MLLT11: variants seen among roughly 807,000 people sequenced by gnomAD.
MLLT11 encodes the protein protein AF1q.
Under a neutral mutation model 5.3 loss-of-function variants are expected in MLLT11, and 1 was observed. The ratio of observed to expected loss-of-function variants is 0.19; its 90% CI spans 0.07 to 0.89. The LOEUF (loss-of-function observed/expected upper bound fraction) is 0.89. Ranked by LOEUF, MLLT11 falls within the 40% of genes least tolerant of loss-of-function variation. The probability of loss-of-function intolerance (pLI) is 0.67; values close to 1 mark genes in which losing one functional copy is unlikely to be tolerated. For missense variants in MLLT11, 87 were observed against 107.3 expected (o/e 0.81, Z 0.83); for synonymous variants, 38 against 41.7 (o/e 0.91, Z 0.34).
chr1:151,065,292 G>C (rs1676460506), intron 1 of MLLT11, among the ~76,000 whole-genome samples: 1 of 152,092 alleles, frequency 6.6e-6, no homozygotes, highest in Admixed American at 6.6e-5. Flanking sequence ...AGAGGTTTTA[G>C]GCCTTCTGAG....
chr1:151,068,825 T>C lies in MLLT11; in HGVS notation c.*1328T>C, dbSNP rs1676513729. Among the ~76,000 whole-genome samples the C allele has an allele frequency of 6.6e-6, 1 of 152,216 alleles. No homozygotes were observed. Among genetic ancestry groups the C allele is most frequent in the African/African-American group, 2.4e-5 (1 of 41,440 alleles). On this transcript the variant is annotated 3_prime_UTR_variant, in exon 2 of 2. Transcript: ENST00000368921. ...GTCTCTAACTCCTGACCTCAGGTGA[T>C]CTGCCCGCCTTAGCCTCTCAAAGTG...
Position 151,069,263 on chromosome 1 carries a change from G to T in MLLT11, c.*1766G>T, listed in dbSNP as rs1031642970. Among the ~76,000 whole-genome samples the T allele has an allele frequency of 1.3e-5, 2 of 152,054 alleles. No homozygotes were observed. Among genetic ancestry groups the T allele is most frequent in the African/African-American group, 2.4e-5 (1 of 41,386 alleles). On this transcript the variant is annotated 3_prime_UTR_variant, in exon 2 of 2. Coordinates refer to ENST00000368921, the MANE Select transcript of MLLT11 (RefSeq NM_006818.4). ...ATACCAATATGGATAGGACAGAATT[G>T]GGCAGTGTACTATAAATAAGGATGA...
chr1:151,065,105 C>T (rs1275919933), intron 1 of MLLT11, among the ~76,000 whole-genome samples: 3 of 152,118 alleles, frequency 2.0e-5, no homozygotes, highest in South Asian at 2.1e-4. Flanking sequence ...TAAATCCATA[C>T]TATATTAAAT....
Position 151,067,271 on chromosome 1 carries a change from G to A in MLLT11, c.47G>A (p.Arg16Lys), listed in dbSNP as rs1676487940. Residue 16 changes from arginine to lysine, a missense_variant, in exon 2 of 2, where the codon AGG becomes AAG. Transcript: ENST00000368921. ...SSQYSSFLFW[R>K]MPIPELDLSE... ...CAGTACAGTTCCTTTCTTTTCTGGA[G>A]GATGCCCATCCCAGAACTGGATCTG... 6.2e-7 allele frequency: 1 copy of A among 1,614,032 alleles called. No individual in the cohort carries two copies. Among genetic ancestry groups the A allele is most frequent in the Admixed American group, 1.7e-5 (1 of 59,992 alleles).
At chr1:151,065,435 T>C (rs187949676) in intron 1 of MLLT11, among the ~76,000 whole-genome samples, 1 of 152,370 alleles carries the variant, frequency 6.6e-6, no homozygotes, top group Non-Finnish European at 1.5e-5. Flanking sequence ...AAAGAGCTTT[T>C]TGTTTTTCTC....
At position 151,067,383 on chromosome 1, in the gene MLLT11, T is replaced by C. The variant is rs776687359; in HGVS notation, c.159T>C (p.Thr53=). The change falls in exon 2 of 2, where the codon ACT becomes ACC. Residue 53 remains threonine (T), a synonymous_variant. Transcript: ENST00000368921. The stretch of plus-strand genomic sequence containing the variant: ...TTGGCAAAATGATCGGGCAAGCAAC[T>C]GCAGCAGACCAGGAGAAAAACCCTG... ...SSVGKMIGQA[T]AADQEKNPEG... 3.1e-6 allele frequency: 5 copies of C among 1,614,158 alleles called. No homozygotes were observed. The highest frequency in any genetic ancestry group is 4.2e-6 in the Non-Finnish European group (5 of 1,180,028).
chr1:151,068,777 G>T lies in MLLT11; in HGVS notation c.*1280G>T, dbSNP rs1173425334. The stretch of plus-strand genomic sequence containing the variant: ...TTTTTGTATTTTTCATAGAGACGGG[G>T]TTTCACCATGTTGGCCAGGCTGGTC... On this transcript the variant is annotated 3_prime_UTR_variant, in exon 2 of 2. Coordinates refer to ENST00000368921, the MANE Select transcript of MLLT11 (RefSeq NM_006818.4). 6.6e-6 allele frequency among the ~76,000 whole-genome samples: 1 copy of T among 152,062 alleles called. No homozygotes were observed. Among genetic ancestry groups the T allele is most frequent in the African/African-American group, 2.4e-5 (1 of 41,414 alleles).
chr1:151,069,470 C>T lies in MLLT11; in HGVS notation c.*1973C>T, dbSNP rs931248366. Among the ~76,000 whole-genome samples, 19 of 152,200 alleles carry T rather than the reference C, an allele frequency of 1.2e-4. No homozygotes were observed. Among genetic ancestry groups the T allele is most frequent in the African/African-American group, 4.3e-4 (18 of 41,466 alleles). On this transcript the variant is annotated 3_prime_UTR_variant, in exon 2 of 2. Coordinates refer to ENST00000368921, the MANE Select transcript of MLLT11 (RefSeq NM_006818.4). ...TTTACTGAGTTTTGAAGGGCCCCTT[C>T]AGAGTCCTTCAGCCATGGCAATTGG...
At chr1:151,066,004 C>A (rs587684651) in intron 1 of MLLT11, among the ~76,000 whole-genome samples, 4 of 152,220 alleles carry the variant, frequency 2.6e-5, no homozygotes, top group South Asian at 4.1e-4. Context: ...CCAGGCCCAG[C>A]TAATTTTTTG....
chr1:151,062,490 G>A (rs1676420468), intron 1 of MLLT11, among the ~76,000 whole-genome samples: 1 of 151,748 alleles, frequency 6.6e-6, no homozygotes, highest in Non-Finnish European at 1.5e-5. Flanking sequence ...AGCCTCCCGA[G>A]TAGCTGGGAT....
chr1:151,061,299 T>A (rs587713802), intron 1 of MLLT11, among the ~76,000 whole-genome samples: 1 of 152,264 alleles, frequency 6.6e-6, no homozygotes, highest in Admixed American at 6.5e-5. Context: ...ACCACCACCT[T>A]GTCCTTCCCC....
At chr1:151,063,638 G>A (rs1452039753) in intron 1 of MLLT11, among the ~76,000 whole-genome samples, 5 of 152,088 alleles carry the variant, frequency 3.3e-5, no homozygotes, top group Admixed American at 6.5e-5. Flanking sequence ...TGTTAGCCAG[G>A]ATGGTCTCGA....
At chr1:151,062,706 A>G (rs1232432979) in intron 1 of MLLT11, among the ~76,000 whole-genome samples, 1 of 152,164 alleles carries the variant, frequency 6.6e-6, no homozygotes, top group Non-Finnish European at 1.5e-5. Flanking sequence ...CCTGCATTAT[A>G]CTAAGCTCAT....
Position 151,067,506 on chromosome 1 carries a change from C to T in MLLT11, c.*9C>T, listed in dbSNP as rs1676491496. ...AACTGGACTTGCTCTAAGGCCAAGA[C>T]TTCTCTCTCCCATCACCTTGCCCTC... is the stretch of plus-strand genomic sequence containing the variant. On this transcript the variant is annotated 3_prime_UTR_variant, in exon 2 of 2. Coordinates refer to ENST00000368921, the MANE Select transcript of MLLT11 (RefSeq NM_006818.4). 6.2e-7 allele frequency: 1 copy of T among 1,611,238 alleles called. No individual in the cohort carries two copies. The highest frequency in any genetic ancestry group is 1.3e-5 in the African/African-American group (1 of 74,970).
At chr1:151,062,084 C>A (rs1676414742) in intron 1 of MLLT11, among the ~76,000 whole-genome samples, 1 of 151,574 alleles carries the variant, frequency 6.6e-6, no homozygotes, top group Admixed American at 6.6e-5. Flanking sequence ...TGCTCTACTG[C>A]CCTTTGCTTT....
chr1:151,065,671 G>GA (rs1676466340), intron 1 of MLLT11, among the ~76,000 whole-genome samples: 2 of 152,292 alleles, frequency 1.3e-5, no homozygotes, highest in African/African-American at 4.8e-5. Flanking sequence ...GTAGGATTTA[G>GA]AAGGCAAGAA....
In MLLT11 at chr1:151,067,978, G is replaced by A. The variant is rs920168533; in HGVS notation, c.*481G>A. The A allele has an allele frequency of 8.1e-6, 2 of 246,418 alleles. No individual in the cohort carries two copies. Among genetic ancestry groups the A allele is most frequent in the African/African-American group, 2.2e-5 (1 of 45,160 alleles). 15.3% of individuals were successfully genotyped at this position (246,418 alleles called of 1,614,324 possible). On this transcript the variant is annotated 3_prime_UTR_variant, in exon 2 of 2. Coordinates refer to ENST00000368921, the MANE Select transcript of MLLT11 (RefSeq NM_006818.4). Reference sequence around the variant, plus strand: ...TGCTACGAAACAGTATTTCTAAAAGGCTAAAGTGATAAGTCTCTTGCTTTT... The same window carrying A: ...TGCTACGAAACAGTATTTCTAAAAGACTAAAGTGATAAGTCTCTTGCTTTT...
chr1:151,067,044 C>G (rs1156629483), intron 1 of MLLT11, 175 bp from the exon 2 acceptor site: 1 of 503,046 alleles, frequency 2.0e-6, no homozygotes, highest in African/African-American at 2.0e-5. Flanking sequence ...TTTTTTCCTC[C>G]CCAAATTCCT....
At chr1:151,065,947 T>G (rs1676470295) in intron 1 of MLLT11, among the ~76,000 whole-genome samples, 1 of 152,180 alleles carries the variant, frequency 6.6e-6, no homozygotes, top group African/African-American at 2.4e-5. Flanking sequence ...GCTCAAGTGA[T>G]TCTCCCACTC....
Sources: gnomAD v4.1 joint callset for allele counts (sites outside exome capture counted in the v4.1 genomes callset) on GRCh38, gnomAD v4.1.1 for gene constraint, MANE v1.5 for transcripts, NCBI Gene and HGNC (gene_info 2026-07-23, HGNC 2026-07-21) for gene names.